Variants in LARP1 observed in about 807,000 individuals in gnomAD.
The protein encoded by LARP1 is La ribonucleoprotein 1, translational regulator, also known as la-related protein 1.
A neutral mutation model predicts 122.7 loss-of-function variants in LARP1; 36 were observed. The ratio of observed to expected loss-of-function variants is 0.29; its 90% CI spans 0.22 to 0.39. LARP1 has a LOEUF of 0.39. Among genes scored for constraint, LARP1 ranks in the 10% least tolerant of loss-of-function variants. The probability of loss-of-function intolerance (pLI) is 1.00; values close to 1 mark genes in which losing one functional copy is unlikely to be tolerated. For missense variants in LARP1, 1,040 were observed against 1,403.6 expected (o/e 0.74, Z 4.14); for synonymous variants, 539 against 528.7 (o/e 1.02, Z -0.27).
intron 1 of LARP1, among the ~76,000 whole-genome samples, chr5:154,688,653 CAA>C (rs10677648): frequency 2.4e-4 from 19 of 79,448 alleles, no homozygotes; most frequent in Admixed American, 8.1e-4. Flanking sequence ...GACTCCATCT[CAA>C]AAAAAAAAAA....
chr5:154,812,394 G>T (rs1257666448), intron 18 of LARP1, among the ~76,000 whole-genome samples: 1 of 152,056 alleles, frequency 6.6e-6, no homozygotes, highest in Admixed American at 6.6e-5. Context: ...TCACAGTTCT[G>T]CATGGCCAGG....
rs375242758 is a variant in LARP1, at chr5:154,806,015, G to A, written c.2681G>A (p.Arg894His). 4.3e-6 allele frequency: 7 copies of A among 1,614,076 alleles called. No individual in the cohort carries two copies. Among genetic ancestry groups the A allele is most frequent in the East Asian group, 2.2e-5 (1 of 44,882 alleles). The change falls in exon 15 of 19, where the codon CGT becomes CAT. Residue 894 changes from arginine to histidine, a missense_variant. Physicochemically the swap from Arg to His is conservative, Grantham distance 29. This residue lies in a region of LARP1 where 59 missense variants were observed against 137.2 expected (regional missense o/e 0.43). Coordinates refer to ENST00000518297, the MANE Select transcript of LARP1 (RefSeq NM_033551.3). The stretch of plus-strand genomic sequence containing the variant: ...ACACAACACGTCTACCATAAGTATC[G>A]TAGGCGCTGCCTTAATGGTAAGAAG... Reference protein sequence around the residue: ...GFTQHVYHKYRRRCLNERKRL... With the variant: ...GFTQHVYHKYHRRCLNERKRL...
At chr5:154,688,051 C>T (rs974113529) in intron 1 of LARP1, among the ~76,000 whole-genome samples, 3 of 152,120 alleles carry the variant, frequency 2.0e-5, no homozygotes, top group African/African-American at 7.2e-5. Flanking sequence ...AAATGAGTGA[C>T]CTAGGCCAAG....
chr5:154,684,007 A>G (rs1211598232), intron 1 of LARP1, among the ~76,000 whole-genome samples: 1 of 152,194 alleles, frequency 6.6e-6, no homozygotes, highest in East Asian at 1.9e-4. Flanking sequence ...ATATTTGGTT[A>G]TAAGAAGTTG....
At chr5:154,740,375 A>G (rs1313869941) in intron 1 of LARP1, among the ~76,000 whole-genome samples, 1 of 151,200 alleles carries the variant, frequency 6.6e-6, no homozygotes, top group Non-Finnish European at 1.5e-5. Flanking sequence ...CCTGGGCAAC[A>G]AGAGTGAAAC....
intron 4 of LARP1, among the ~76,000 whole-genome samples, chr5:154,793,119 A>C (rs940686538): frequency 6.6e-6 from 1 of 152,234 alleles, no homozygotes; most frequent in African/African-American, 2.4e-5. Flanking sequence ...GAATCCCTTC[A>C]GCTTGCTGTG....
chr5:154,717,275 A>C (rs1038561263), intron 1 of LARP1, among the ~76,000 whole-genome samples: 6 of 151,914 alleles, frequency 3.9e-5, no homozygotes, highest in African/African-American at 1.5e-4. Context: ...CTACTATTCT[A>C]CCCAGCCTAC....
At chr5:154,709,508 T>G (rs1427136930), upstream of LARP1, among the ~76,000 whole-genome samples, 2 of 152,218 alleles carry the variant, frequency 1.3e-5, no homozygotes. Flanking sequence ...GTATTTTCTT[T>G]TAAGTGCAGC....
At chr5:154,700,941 G>C (rs1408133714) in intron 1 of LARP1, among the ~76,000 whole-genome samples, 1 of 152,070 alleles carries the variant, frequency 6.6e-6, no homozygotes, top group Non-Finnish European at 1.5e-5. Flanking sequence ...ACTCCAGCCT[G>C]GGTGTCAGAG....
At chr5:154,794,371 T>C (rs909513864) in intron 7 of LARP1, 109 bp downstream of exon 7, 29 of 1,061,462 alleles carry the variant, frequency 2.7e-5, no homozygotes, top group Non-Finnish European at 3.7e-5. Flanking sequence ...AGTTTCAGCC[T>C]CAGGCTGAAA....
At chr5:154,785,183 G>T (rs1371187917) in intron 1 of LARP1, among the ~76,000 whole-genome samples, 2 of 152,222 alleles carry the variant, frequency 1.3e-5, no homozygotes, top group East Asian at 3.8e-4. Flanking sequence ...GGGCCCAGGT[G>T]CCTCCTGTCT....
intron 15 of LARP1, among the ~76,000 whole-genome samples, chr5:154,807,576 C>T (rs758554830): frequency 1.3e-5 from 2 of 151,986 alleles, no homozygotes; most frequent in Non-Finnish European, 2.9e-5. Context: ...TTTGAGACAG[C>T]GTTTTACTCT....
At chr5:154,740,857 C>T (rs916119278) in intron 1 of LARP1, among the ~76,000 whole-genome samples, 1 of 152,216 alleles carries the variant, frequency 6.6e-6, no homozygotes, top group African/African-American at 2.4e-5. Flanking sequence ...CCCTTTTAAT[C>T]CAGAAATGAG....
intron 15 of LARP1, 77 bp from the exon 16 acceptor site, chr5:154,808,382 A>T: frequency 1.3e-6 from 2 of 1,532,526 alleles, no homozygotes; most frequent in Non-Finnish European, 1.8e-6. Context: ...CCAAGTCTTA[A>T]GTTCCAGGAT....
At chr5:154,691,281 AAAGT>A (rs1229594115) in intron 1 of LARP1, among the ~76,000 whole-genome samples, 7 of 140,634 alleles carry the variant, frequency 5.0e-5, no homozygotes, top group Non-Finnish European at 9.5e-5. Flanking sequence ...AAAAAGAAAG[AAAGT>A]ATCAGACTTG....
At position 154,808,316 on chromosome 5, in the gene LARP1, T is replaced by C; in HGVS notation, c.2699-143T>C. ...TGGTTAGTGCTCAATAGATATCTGCTGAATGACTGAGTGGCAGATGATGAG... is the reference window on the plus strand; with the variant it reads ...TGGTTAGTGCTCAATAGATATCTGCCGAATGACTGAGTGGCAGATGATGAG... On this transcript the variant is annotated intron_variant, in intron 15 of 18. Coordinates refer to ENST00000518297, the MANE Select transcript of LARP1 (RefSeq NM_033551.3). 3 of 979,242 alleles carry C rather than the reference T, an allele frequency of 3.1e-6. No individual in the cohort carries two copies. In the South Asian group the frequency reaches 5.2e-5, roughly 17 times the overall value. The allele number at this position is 979,242 out of a possible 1,614,324, so 60.7% of individuals were successfully genotyped here.
At chr5:154,724,472 C>A (rs879882449) in intron 1 of LARP1, among the ~76,000 whole-genome samples, 1 of 152,160 alleles carries the variant, frequency 6.6e-6, no homozygotes, top group African/African-American at 2.4e-5. Context: ...AAAGTGAAAA[C>A]AATTTACAAG....
chr5:154,763,286 T>G (rs560618267), intron 1 of LARP1, among the ~76,000 whole-genome samples: 1 of 152,054 alleles, frequency 6.6e-6, no homozygotes, highest in South Asian at 2.1e-4. Flanking sequence ...GGTCTCGAAC[T>G]CCTGACCTCA....
Position 154,803,364 on chromosome 5 carries a change from T to G in LARP1, c.2184T>G (p.Pro728=). The G allele has an allele frequency of 6.2e-7, 1 of 1,614,144 alleles. No individual in the cohort carries two copies. Among genetic ancestry groups the G allele is most frequent in the South Asian group, 1.1e-5 (1 of 91,082 alleles). ...EQFDTLTPEP[P]VDPNQEVPPG... is the part of the protein sequence containing the mutation. ...TTGACACACTGACCCCTGAGCCCCC[T>G]GTGGATCCCAACCAGGAAGTTCCTC... The change falls in exon 12 of 19, where the codon CCT becomes CCG. Residue 728 remains proline, a synonymous_variant. Transcript: ENST00000518297. This position sits in a 1 kb window ranked among gnomAD's most constrained non-coding sequence, Gnocchi z 4.4.
Sources: allele counts gnomAD v4.1 joint callset (sites outside exome capture counted in the v4.1 genomes callset), GRCh38; gene constraint gnomAD v4.1.1; regional missense constraint gnomAD v4.1.1; non-coding constraint Gnocchi (gnomAD v3.1); transcripts MANE v1.5; gene names NCBI Gene and HGNC (gene_info 2026-07-23, HGNC 2026-07-21).